CNTNAP3B: variants seen among roughly 807,000 people sequenced by gnomAD.
CNTNAP3B encodes contactin-associated protein-like 3B.
CNTNAP3B carries 25 observed loss-of-function variants against 108.9 expected under a neutral mutation model. The ratio of observed to expected loss-of-function variants is 0.23; its 90% CI spans 0.17 to 0.32. The LOEUF is 0.32. CNTNAP3B is among the 10% of genes least tolerant of loss of function. CNTNAP3B has a pLI of 1.00. For synonymous variants in CNTNAP3B, 103 were observed against 473.4 expected (o/e 0.22, Z 10.16); for missense variants, 252 against 1,210.4 (o/e 0.21, Z 11.75).
chr9:41,929,466 C>T (rs1314186373), intron 14 of CNTNAP3B, 22 bp from the exon 15 acceptor site: 2 of 1,520,676 alleles, frequency 1.3e-6, no homozygotes, highest in East Asian at 4.7e-5. Context: ...CAACCGAAAC[C>T]ATTAAAATTA....
At chr9:41,967,215 C>G (rs191304468) in intron 10 of CNTNAP3B, among the ~76,000 whole-genome samples, 1 of 152,170 alleles carries the variant, frequency 6.6e-6, no homozygotes, top group Non-Finnish European at 1.5e-5. Flanking sequence ...AATTGTAGTT[C>G]TCATAATTCC....
chr9:42,110,790 T>C, intron 1 of CNTNAP3B, among the ~76,000 whole-genome samples: 1 of 138,654 alleles, frequency 7.2e-6, no homozygotes, highest in South Asian at 2.3e-4. Context: ...TAATGTACCT[T>C]AACATTATCT....
chr9:42,076,796 A>C (rs1297664654), intron 3 of CNTNAP3B, 73 bp downstream of exon 3: 17 of 1,340,656 alleles, frequency 1.3e-5, no homozygotes, highest in Non-Finnish European at 1.2e-5. Context: ...TTTTTTTCAA[A>C]GTAATTCTTA....
intron 12 of CNTNAP3B, among the ~76,000 whole-genome samples, chr9:41,956,497 T>G (rs1418102242): frequency 1.3e-5 from 2 of 152,228 alleles, no homozygotes; most frequent in African/African-American, 4.8e-5. Context: ...TAAACGGGGA[T>G]TGTCTGCACT....
intron 14 of CNTNAP3B, among the ~76,000 whole-genome samples, chr9:41,932,708 C>T (rs1413518149): frequency 6.6e-5 from 10 of 152,020 alleles, no homozygotes; most frequent in South Asian, 2.1e-4. Context: ...TTAGTATAGA[C>T]GGGGTTTCAC....
At position 41,953,226 on chromosome 9, in the gene CNTNAP3B, C is replaced by A. The variant is rs780187896; in HGVS notation, c.2037G>T (p.Arg679=). 1.2e-5 allele frequency: 19 copies of A among 1,529,820 alleles called. No homozygotes were observed. The highest frequency in any genetic ancestry group is 2.8e-5 in the African/African-American group (2 of 71,530). 94.8% of individuals were successfully genotyped at this position (1,529,820 alleles called of 1,614,324 possible). The change falls in exon 13 of 24, where the codon CGG becomes CGT. Residue 679 remains arginine, a synonymous_variant. Coordinates refer to ENST00000377561, the MANE Select transcript of CNTNAP3B (RefSeq NM_001201380.3). ...GCGCTGTCCCGCAGCGCAGAGCCAG[C>A]CGCTGCTCGCAGCGCTCCGCCAGGT... The part of the protein sequence containing the change: ...AVNLAERCEQ[R]LALRCGTARR...
At chr9:41,933,361 C>T (rs1460487365) in intron 14 of CNTNAP3B, among the ~76,000 whole-genome samples, 1 of 152,288 alleles carries the variant, frequency 6.6e-6, no homozygotes, top group Non-Finnish European at 1.5e-5. Context: ...TCCCAAGAGT[C>T]GAAATCACCC....
At position 41,929,335 on chromosome 9, in the gene CNTNAP3B, G is replaced by C; in HGVS notation, c.2347C>G (p.Leu783Val). 1 of 1,542,746 alleles carries C rather than the reference G, an allele frequency of 6.5e-7. No individual in the cohort carries two copies. The highest frequency in any genetic ancestry group is 2.3e-5 in the East Asian group (1 of 43,064). Residue 783 changes from leucine (L) to valine (V), a missense_variant, in exon 15 of 24, where the codon CTG becomes GTG. Transcript: ENST00000377561. ...TACTTACTATCTCCGCGGCAGAGCAGTGGCCCCAGTGTATAATCTGCTTCG... is the reference window on the plus strand; with the variant it reads ...TACTTACTATCTCCGCGGCAGAGCACTGGCCCCAGTGTATAATCTGCTTCG... Reference protein sequence around the residue: ...HSEADYTLGPLLCRGDKSFWN... With the variant: ...HSEADYTLGPVLCRGDKSFWN...
intron 13 of CNTNAP3B, among the ~76,000 whole-genome samples, chr9:41,943,381 C>G (rs1277483243): frequency 8.0e-6 from 1 of 124,552 alleles, no homozygotes; most frequent in African/African-American, 3.0e-5. Flanking sequence ...GAGATGGAGT[C>G]TCTCTCTGTC....
intron 2 of CNTNAP3B, among the ~76,000 whole-genome samples, chr9:42,089,621 A>G (rs1255776320): frequency 4.7e-5 from 7 of 147,640 alleles, no homozygotes; most frequent in African/African-American, 1.8e-4. Flanking sequence ...ATCCTGAGCT[A>G]TTCATTTTGT....
chr9:42,114,709 A>G lies in CNTNAP3B; in HGVS notation c.86-9970T>C, dbSNP rs1354458659. 6.5e-5 allele frequency among the ~76,000 whole-genome samples: 8 copies of G among 122,956 alleles called. 1 individual carries two copies. Among genetic ancestry groups the G allele is most frequent in the Non-Finnish European group, 1.2e-4 (7 of 60,116 alleles). 80.7% of individuals were successfully genotyped at this position (122,956 alleles called of 152,430 possible). A position where few individuals can be genotyped will look rare whatever the true frequency, so the allele number is the denominator to read the frequency against. On this transcript the variant is annotated intron_variant, in intron 1 of 23. Coordinates refer to ENST00000377561, the MANE Select transcript of CNTNAP3B (RefSeq NM_001201380.3). Reference sequence around the variant, plus strand: ...GATTGAGGACAACATCGTTCATCAAATGTGAAAAGCTACCCAAATGAAACC... The same window carrying G: ...GATTGAGGACAACATCGTTCATCAAGTGTGAAAAGCTACCCAAATGAAACC...
intron 10 of CNTNAP3B, among the ~76,000 whole-genome samples, chr9:41,968,085 G>C: frequency 6.6e-6 from 1 of 152,222 alleles, no homozygotes; most frequent in Non-Finnish European, 1.5e-5. Flanking sequence ...TTGTACTTTG[G>C]GAGCTACATG....
At position 41,983,678 on chromosome 9, in the gene CNTNAP3B, G is replaced by C. The variant is rs1825674519; in HGVS notation, c.1477+2490C>G. ...TAAGCCAACTTCGCTCTTCTGAAAAGGCTGGCGGGCATGGCTGCATTTTTC... is the reference window on the plus strand; with the variant it reads ...TAAGCCAACTTCGCTCTTCTGAAAACGCTGGCGGGCATGGCTGCATTTTTC... On this transcript the variant is annotated intron_variant, in intron 9 of 23. Coordinates refer to ENST00000377561, the MANE Select transcript of CNTNAP3B (RefSeq NM_001201380.3). 2.1e-5 allele frequency: 2 copies of C among 94,338 alleles called. 1 individual carries two copies. The highest frequency in any genetic ancestry group is 2.3e-4 in the Admixed American group (2 of 8,692). 5.8% of individuals were successfully genotyped at this position (94,338 alleles called of 1,614,324 possible).
intron 2 of CNTNAP3B, among the ~76,000 whole-genome samples, chr9:42,097,115 T>G (rs1367637503): frequency 1.4e-5 from 2 of 139,868 alleles, no homozygotes; most frequent in Non-Finnish European, 3.1e-5. Context: ...ATCCAATATC[T>G]GCTTCTCTTT....
intron 3 of CNTNAP3B, among the ~76,000 whole-genome samples, chr9:42,046,467 T>C (rs1009124919): frequency 2.4e-5 from 3 of 122,878 alleles, no homozygotes; most frequent in Admixed American, 8.3e-5. Flanking sequence ...ATGATTTCCA[T>C]TTCAAGTACA....
intron 13 of CNTNAP3B, among the ~76,000 whole-genome samples, chr9:41,947,340 C>A (rs1824557367): frequency 6.6e-6 from 1 of 152,170 alleles, no homozygotes; most frequent in African/African-American, 2.4e-5. Flanking sequence ...TGGAATCAAA[C>A]TGGAAATCAA....
intron 3 of CNTNAP3B, among the ~76,000 whole-genome samples, chr9:42,047,251 A>T (rs1053977054): frequency 2.0e-5 from 2 of 102,448 alleles, no homozygotes; most frequent in Non-Finnish European, 3.9e-5. Flanking sequence ...GTTTTTATAA[A>T]GGACAATCAG....
At chr9:41,921,698 G>A (rs1338237987) in intron 17 of CNTNAP3B, among the ~76,000 whole-genome samples, 1 of 152,272 alleles carries the variant, frequency 6.6e-6, no homozygotes, top group African/African-American at 2.4e-5. Context: ...CTAAAGGAAA[G>A]ACTTCCAGAG....
rs1410827627 is a variant in CNTNAP3B, at chr9:42,077,626, A to G, written c.197-564T>C. Among the ~76,000 whole-genome samples the G allele has an allele frequency of 2.3e-5, 3 of 133,246 alleles. 1 individual carries two copies. Among genetic ancestry groups the G allele is most frequent in the East Asian group, 2.4e-4 (1 of 4,238 alleles). 87.4% of individuals were successfully genotyped at this position (133,246 alleles called of 152,430 possible). ...ATGGTTACGAGGAACTGGGGTGTGG[A>G]GGAGATATTGGTTAAAAAATACAAA... On this transcript the variant is annotated intron_variant, in intron 2 of 23. Coordinates refer to ENST00000377561, the MANE Select transcript of CNTNAP3B (RefSeq NM_001201380.3).
Sources: gnomAD v4.1 joint callset for allele counts (sites outside exome capture counted in the v4.1 genomes callset) on GRCh38, gnomAD v4.1.1 for gene constraint, MANE v1.5 for transcripts, NCBI Gene and HGNC (gene_info 2026-07-23, HGNC 2026-07-21) for gene names.